Variants in KIZ observed in about 807,000 individuals in gnomAD.
KIZ encodes the protein centrosomal protein kizuna.
KIZ carries 68 observed loss-of-function variants against 79.6 expected under a neutral mutation model. That is an observed-to-expected ratio of 0.85 (90% CI 0.70 to 1.05). The LOEUF is 1.05. Among genes scored for constraint, KIZ ranks in the 50% least tolerant of loss-of-function variants. The pLI, the probability that KIZ is intolerant of heterozygous loss-of-function variation, is 0.00. For missense variants in KIZ, 797 were observed against 800.4 expected, an observed-to-expected ratio of 1.00 and a Z score of 0.05; for synonymous variants, 280 against 281.8, an observed-to-expected ratio of 0.99 and a Z score of 0.06.
intron 4 of KIZ, chr20:21,151,622 G>A (rs927181589): frequency 2.6e-5 from 4 of 152,124 alleles, no homozygotes; most frequent in Non-Finnish European, 5.9e-5. Context: ...ATAGGAGAAC[G>A]AGTATTGAGT....
intron 6 of KIZ, among the ~76,000 whole-genome samples, chr20:21,180,961 A>T (rs576416500): frequency 2.6e-5 from 4 of 152,388 alleles, no homozygotes; most frequent in African/African-American, 7.2e-5. Flanking sequence ...CATGAGGATT[A>T]TAAAAAGTTG....
chr20:21,208,519 C>T (rs1302794481), intron 7 of KIZ, among the ~76,000 whole-genome samples: 3 of 152,078 alleles, frequency 2.0e-5, no homozygotes, highest in East Asian at 1.9e-4. Context: ...TTGGCTAACA[C>T]GGTGAAACCC....
At chr20:21,211,509 C>G (rs1368776206) in intron 7 of KIZ, among the ~76,000 whole-genome samples, 2 of 152,116 alleles carry the variant, frequency 1.3e-5, no homozygotes, top group Admixed American at 1.3e-4. Context: ...AAGTTGAAAC[C>G]CAAGCATAGT....
chr20:21,168,448 G>A (rs1488704254), intron 6 of KIZ, among the ~76,000 whole-genome samples: 1 of 152,154 alleles, frequency 6.6e-6, no homozygotes, highest in Non-Finnish European at 1.5e-5. Context: ...CAAACAAATG[G>A]AAGAACATTC....
At chr20:21,232,911 A>T in intron 11 of KIZ, 81 bp downstream of exon 11, 1 of 724,270 alleles carries the variant, frequency 1.4e-6, no homozygotes, top group South Asian at 1.5e-5. Flanking sequence ...CTGGCTGCGT[A>T]TTATTTTGTT....
intron 6 of KIZ, among the ~76,000 whole-genome samples, chr20:21,193,747 T>C (rs1448344604): frequency 6.7e-6 from 1 of 149,972 alleles, no homozygotes; most frequent in Non-Finnish European, 1.5e-5. Flanking sequence ...CAGCAAACTA[T>C]CGCAAGGACA....
intron 3 of KIZ, chr20:21,139,120 A>G (rs556035085): frequency 7.6e-6 from 1 of 130,902 alleles, no homozygotes; most frequent in South Asian, 2.5e-4. Flanking sequence ...GTGAATTTCT[A>G]TTTACTAGTA....
chr20:21,222,721 G>A (rs1339568751), intron 9 of KIZ, among the ~76,000 whole-genome samples: 1 of 152,134 alleles, frequency 6.6e-6, no homozygotes, highest in Non-Finnish European at 1.5e-5. Context: ...CCCTGTCTCT[G>A]CCTCTGTCTT....
chr20:21,157,420 C>G (rs2033437565), intron 4 of KIZ, among the ~76,000 whole-genome samples: 1 of 152,134 alleles, frequency 6.6e-6, no homozygotes, highest in Non-Finnish European at 1.5e-5. Context: ...CAATGCTTGG[C>G]AAAATTGCAA....
At chr20:21,237,852 C>T (rs775974283) in intron 11 of KIZ, among the ~76,000 whole-genome samples, 7 of 152,164 alleles carry the variant, frequency 4.6e-5, no homozygotes, top group Non-Finnish European at 8.8e-5. Context: ...TATTTAGAGA[C>T]AGGGTCTCGC....
chr20:21,155,368 A>T (rs1311782638), intron 4 of KIZ, among the ~76,000 whole-genome samples: 1 of 151,872 alleles, frequency 6.6e-6, no homozygotes, highest in Non-Finnish European at 1.5e-5. Flanking sequence ...TAAATGCCAC[A>T]AAATGGATAA....
At chr20:21,155,462 G>T (rs2033332276) in intron 4 of KIZ, among the ~76,000 whole-genome samples, 1 of 152,106 alleles carries the variant, frequency 6.6e-6, no homozygotes, top group Non-Finnish European at 1.5e-5. Context: ...TTCATAAAAT[G>T]TGCAGAATAA....
chr20:21,138,109 A>G (rs2032304272), intron 3 of KIZ, among the ~76,000 whole-genome samples: 1 of 152,080 alleles, frequency 6.6e-6, no homozygotes, highest in Non-Finnish European at 1.5e-5. Context: ...AGATTTCCCC[A>G]CTTCTCCCAA....
intron 3 of KIZ, among the ~76,000 whole-genome samples, chr20:21,144,842 C>A (rs2032761974): frequency 6.6e-6 from 1 of 152,108 alleles, no homozygotes; most frequent in Non-Finnish European, 1.5e-5. Context: ...CTTTGATGGA[C>A]CACAATCCAT....
intron 6 of KIZ, among the ~76,000 whole-genome samples, chr20:21,163,368 A>G (rs1221341533): frequency 6.6e-6 from 1 of 152,124 alleles, no homozygotes; most frequent in Non-Finnish European, 1.5e-5. Flanking sequence ...TTCTTTGACA[A>G]AAAAACTTTA....
chr20:21,137,655 T>A (rs1415619765), intron 3 of KIZ, among the ~76,000 whole-genome samples: 1 of 152,072 alleles, frequency 6.6e-6, no homozygotes, highest in Non-Finnish European at 1.5e-5. Flanking sequence ...TCTGAGCCAT[T>A]GAAAGTCTGC....
At chr20:21,170,678 A>G (rs1438813832) in intron 6 of KIZ, among the ~76,000 whole-genome samples, 3 of 152,044 alleles carry the variant, frequency 2.0e-5, no homozygotes, top group African/African-American at 7.3e-5. Flanking sequence ...GTGAGCCACC[A>G]CGCCCGGCCA....
At chr20:21,151,664 A>G (rs867851375) in intron 4 of KIZ, 2 of 152,194 alleles carry the variant, frequency 1.3e-5, no homozygotes, top group African/African-American at 4.8e-5. Context: ...CCAAATTCAT[A>G]TAGTCCATGA....
chr20:21,191,706 A>G (rs1399316228), intron 6 of KIZ, among the ~76,000 whole-genome samples: 7 of 152,140 alleles, frequency 4.6e-5, no homozygotes, highest in Non-Finnish European at 7.4e-5. Context: ...TACACATGCT[A>G]AAAGAGAACA....
Sources: gnomAD v4.1 joint callset for allele counts (sites outside exome capture counted in the v4.1 genomes callset) on GRCh38, gnomAD v4.1.1 for gene constraint, MANE v1.5 for transcripts, NCBI Gene and HGNC (gene_info 2026-07-23, HGNC 2026-07-21) for gene names.